Variants in SFI1 observed in about 807,000 individuals in gnomAD.
SFI1 encodes protein SFI1 homolog.
Under a neutral mutation model 207.5 loss-of-function variants are expected in SFI1, and 195 were observed. The observed-to-expected ratio is 0.94, with a 90% CI of 0.84 to 1.06. SFI1 has a LOEUF of 1.06. SFI1 is among the 50% of genes least tolerant of loss of function. The pLI is 0.00. For synonymous variants in SFI1, 630 were observed against 598.9 expected (o/e 1.05, Z -0.76); for missense variants, 1,634 against 1,588.0 (o/e 1.03, Z -0.49).
intron 4 of SFI1, among the ~76,000 whole-genome samples, chr22:31,535,049 T>C (rs963631890): frequency 2.0e-5 from 3 of 152,102 alleles, no homozygotes; most frequent in African/African-American, 7.2e-5. Context: ...TTATTTTTAG[T>C]AGAGACAGGG....
chr22:31,568,221 TATA>T (rs2062577254), intron 8 of SFI1, among the ~76,000 whole-genome samples: 2 of 129,936 alleles, frequency 1.5e-5, no homozygotes, highest in African/African-American at 3.0e-5. Context: ...TATATATATA[TATA>T]TATTTTTTTT....
rs373155926 is a variant in SFI1, at chr22:31,618,298, C to T, written c.3625-16C>T. 2.5e-6 allele frequency: 4 copies of T among 1,606,806 alleles called. No individual in the cohort carries two copies. Among genetic ancestry groups the T allele is most frequent in the South Asian group, 1.1e-5 (1 of 90,310 alleles). On this transcript the variant is annotated splice_polypyrimidine_tract_variant and intron_variant, in intron 32 of 32. Transcript: ENST00000400288. Reference sequence around the variant, plus strand: ...TGTGCTCCCTCTCAGCCCTGCCTGTCCCTCCATGGCCCCAGGTGGAAATGC... The same window carrying T: ...TGTGCTCCCTCTCAGCCCTGCCTGTTCCTCCATGGCCCCAGGTGGAAATGC...
intron 6 of SFI1, among the ~76,000 whole-genome samples, chr22:31,553,855 T>G (rs920426917): frequency 1.6e-5 from 2 of 121,436 alleles, no homozygotes; most frequent in African/African-American, 3.1e-5. Context: ...TTTTTTTTTT[T>G]TTTTTTTTTT....
chr22:31,584,028 G>T, intron 13 of SFI1, 56 bp downstream of exon 13: 1 of 1,441,780 alleles, frequency 6.9e-7, no homozygotes, highest in Non-Finnish European at 9.7e-7. Flanking sequence ...CTGACTTACT[G>T]TTTTCCAGGA....
intron 4 of SFI1, among the ~76,000 whole-genome samples, chr22:31,537,187 C>T (rs1249421812): frequency 6.6e-6 from 1 of 152,144 alleles, no homozygotes; most frequent in Non-Finnish European, 1.5e-5. Flanking sequence ...TCATAGGTAA[C>T]ACTTCGTAGT....
rs1424567623 is a variant in SFI1 at position 31,575,321 on chromosome 22, C to T, written c.1013C>T (p.Ala338Val). The T allele has an allele frequency of 6.2e-7, 1 of 1,613,534 alleles. No homozygotes were observed. Among genetic ancestry groups the T allele is most frequent in the South Asian group, 1.1e-5 (1 of 90,880 alleles). ...TGGGAGCGGAGGGAGAGCTTGTACG[C>T]TCACCATGCCCAGGTGGAGAAACTG... is the stretch of plus-strand genomic sequence containing the variant. ...QAWERRESLY[A>V]HHAQVEKLAR... Residue 338 changes from alanine (A) to valine (V), a missense_variant, in exon 10 of 33, where the codon GCT becomes GTT. Ala to Val is a moderately conservative substitution (Grantham distance 64). Coordinates refer to ENST00000400288, the MANE Select transcript of SFI1 (RefSeq NM_001007467.3).
rs575422710 is a variant in SFI1, at chr22:31,499,760, G to A, written c.-31+3123G>A. On this transcript the variant is annotated intron_variant, in intron 1 of 32. Transcript: ENST00000400288. The stretch of plus-strand genomic sequence containing the variant: ...TCATAGCACTTTGGGAGGCTGAGGC[G>A]GGCGGATTACCTGAGGTCAGGAGTT... Among the ~76,000 whole-genome samples the A allele has an allele frequency of 7.2e-5, 11 of 151,808 alleles. No individual in the cohort carries two copies. The South Asian group carries it at 1.0e-3, about 14-fold the overall frequency.
chr22:31,559,680 T>C, intron 7 of SFI1: 2 of 772,406 alleles, frequency 2.6e-6, no homozygotes, highest in South Asian at 1.3e-5. Flanking sequence ...ATGGAACGTG[T>C]GATGACCATT....
chr22:31,615,981 A>G (rs2071360902), intron 29 of SFI1: 1 of 152,252 alleles, frequency 6.6e-6, no homozygotes, highest in Non-Finnish European at 1.5e-5. Context: ...CCTTCAAGGA[A>G]GAGGTCAGGG....
chr22:31,560,020 G>A (rs905653328), intron 7 of SFI1: 1 of 314,192 alleles, frequency 3.2e-6, no homozygotes, highest in Admixed American at 4.3e-5. Flanking sequence ...AAATGTTATT[G>A]GTACTGTATT....
At chr22:31,510,626 G>A (rs895328030) in intron 2 of SFI1, among the ~76,000 whole-genome samples, 1 of 151,812 alleles carries the variant, frequency 6.6e-6, no homozygotes, top group Non-Finnish European at 1.5e-5. Context: ...TAGAGATGGG[G>A]TTTTACCATG....
intron 1 of SFI1, among the ~76,000 whole-genome samples, chr22:31,503,532 C>T (rs1322194575): frequency 6.7e-6 from 1 of 150,124 alleles, no homozygotes; most frequent in Non-Finnish European, 1.5e-5. Context: ...GAAGGTCAAT[C>T]TACATGTTTA....
At chr22:31,542,620 C>A (rs1028869776) in intron 4 of SFI1, among the ~76,000 whole-genome samples, 1 of 151,938 alleles carries the variant, frequency 6.6e-6, no homozygotes, top group Admixed American at 6.6e-5. Context: ...AAGAGGGAAA[C>A]TCTGTCTCAA....
intron 8 of SFI1, 75 bp from the exon 9 acceptor site, chr22:31,572,983 C>G: frequency 6.7e-7 from 1 of 1,490,196 alleles, no homozygotes; most frequent in Non-Finnish European, 9.1e-7. Context: ...GTGCCTTTCT[C>G]TTTTCCCTCT....
intron 14 of SFI1, among the ~76,000 whole-genome samples, chr22:31,586,164 C>T (rs1038981203): frequency 6.6e-6 from 1 of 152,154 alleles, no homozygotes; most frequent in African/African-American, 2.4e-5. Flanking sequence ...TAAAGGTCCT[C>T]TGTGCCCTCC....
At chr22:31,500,643 G>A (rs998736473) in intron 1 of SFI1, among the ~76,000 whole-genome samples, 1 of 151,828 alleles carries the variant, frequency 6.6e-6, no homozygotes, top group Admixed American at 6.6e-5. Context: ...TTTTAGTAGA[G>A]ACAGGGTTTT....
intron 22 of SFI1, among the ~76,000 whole-genome samples, chr22:31,608,342 T>C (rs922318116): frequency 6.6e-6 from 1 of 152,166 alleles, no homozygotes; most frequent in Admixed American, 6.5e-5. Context: ...GTAGACCCAT[T>C]GCTCCAGTCT....
chr22:31,568,675 C>T (rs778915041), intron 8 of SFI1, among the ~76,000 whole-genome samples: 3 of 151,468 alleles, frequency 2.0e-5, no homozygotes, highest in East Asian at 3.9e-4. Context: ...ATTATAGGTC[C>T]GGGGCAGGAA....
intron 2 of SFI1, among the ~76,000 whole-genome samples, chr22:31,510,307 GC>G (rs1463809519): frequency 6.6e-6 from 1 of 151,920 alleles, no homozygotes; most frequent in Non-Finnish European, 1.5e-5. Context: ...CAATCTTGCT[GC>G]CTCAGCCTCC....
Sources: allele counts gnomAD v4.1 joint callset (sites outside exome capture counted in the v4.1 genomes callset), GRCh38; gene constraint gnomAD v4.1.1; transcripts MANE v1.5; gene names NCBI Gene and HGNC (gene_info 2026-07-23, HGNC 2026-07-21).